DTD1: variants seen among roughly 807,000 people sequenced by gnomAD.
The protein encoded by DTD1 is D-tyrosyl-tRNA deacylase 1 homolog.
Under a neutral mutation model 25.6 loss-of-function variants are expected in DTD1, and 13 were observed. The observed-to-expected ratio is 0.51, with a 90% CI of 0.33 to 0.81. The LOEUF is 0.81. DTD1 is among the 30% of genes least tolerant of loss of function. The pLI, the probability that DTD1 is intolerant of heterozygous loss-of-function variation, is 0.02. For synonymous variants in DTD1, 110 were observed against 103.6 expected (o/e 1.06, Z -0.37); for missense variants, 193 against 266.4 (o/e 0.72, Z 1.92).
chr20:18,719,178 G>T (rs1302523341), intron 4 of DTD1, among the ~76,000 whole-genome samples: 3 of 152,132 alleles, frequency 2.0e-5, no homozygotes, highest in Non-Finnish European at 1.5e-5. Flanking sequence ...TCTTAAAGTT[G>T]AATAATCTTG....
chr20:18,741,658 A>G (rs997175545), intron 4 of DTD1, among the ~76,000 whole-genome samples: 4 of 152,150 alleles, frequency 2.6e-5, no homozygotes, highest in Admixed American at 6.5e-5. Flanking sequence ...ATCCTACTGT[A>G]TATAGCCTTC....
At chr20:18,633,561 G>A (rs896853763) in intron 4 of DTD1, among the ~76,000 whole-genome samples, 4 of 152,176 alleles carry the variant, frequency 2.6e-5, no homozygotes, top group African/African-American at 7.2e-5. Context: ...TTTAGCAGTG[G>A]TGCTCACAGC....
At chr20:18,670,206 C>G (rs1048675225) in intron 4 of DTD1, among the ~76,000 whole-genome samples, 1 of 152,120 alleles carries the variant, frequency 6.6e-6, no homozygotes, top group Non-Finnish European at 1.5e-5. Flanking sequence ...CGTATAATCC[C>G]ACGCTTTGGG....
intron 4 of DTD1, among the ~76,000 whole-genome samples, chr20:18,644,288 T>C (rs2060842267): frequency 6.6e-6 from 1 of 152,174 alleles, no homozygotes; most frequent in Non-Finnish European, 1.5e-5. Flanking sequence ...CATGTTAATA[T>C]GGGCTCTACA....
chr20:18,701,634 T>C (rs1346993625), intron 4 of DTD1, among the ~76,000 whole-genome samples: 1 of 152,086 alleles, frequency 6.6e-6, no homozygotes, highest in Admixed American at 6.5e-5. Context: ...GGCCTTTCAG[T>C]GTCGGGGAGA....
chr20:18,623,659 G>A (rs1413938304), intron 3 of DTD1, among the ~76,000 whole-genome samples: 1 of 152,112 alleles, frequency 6.6e-6, no homozygotes, highest in Non-Finnish European at 1.5e-5. Context: ...CCACCCTGGC[G>A]CAGGCCGTCT....
chr20:18,667,328 G>A (rs995877634), intron 4 of DTD1, among the ~76,000 whole-genome samples: 1 of 152,208 alleles, frequency 6.6e-6, no homozygotes, highest in Admixed American at 6.5e-5. Context: ...GTTCCAGGAA[G>A]CAGCCAGGGA....
At chr20:18,717,205 TA>T (rs2061184466) in intron 4 of DTD1, among the ~76,000 whole-genome samples, 1 of 152,218 alleles carries the variant, frequency 6.6e-6, no homozygotes, top group African/African-American at 2.4e-5. Flanking sequence ...TCACGGGAGA[TA>T]ATTAGCATCA....
At chr20:18,616,456 G>A (rs2060709310) in intron 3 of DTD1, among the ~76,000 whole-genome samples, 1 of 151,992 alleles carries the variant, frequency 6.6e-6, no homozygotes, top group Non-Finnish European at 1.5e-5. Context: ...GATCTTGCCA[G>A]TTCTCCCTTC....
At position 18,601,229 on chromosome 20, in the gene DTD1, G is replaced by A. The variant is rs117832579; in HGVS notation, c.370+4988G>A. ...AAGATGTTCTCCCCGGCCAGGCGTC[G>A]TGCTTCACGCCTGTAATCCCAGCGC... On this transcript the variant is annotated intron_variant, in intron 3 of 5. Coordinates refer to ENST00000377452, the MANE Select transcript of DTD1 (RefSeq NM_080820.6). Among the ~76,000 whole-genome samples the A allele has an allele frequency of 5.5e-3, 831 of 152,164 alleles. 2 individuals are homozygous for A. The highest frequency in any genetic ancestry group is 8.7e-3 in the Non-Finnish European group (592 of 68,012).
At chr20:18,695,330 T>C (rs1201540610) in intron 4 of DTD1, among the ~76,000 whole-genome samples, 1 of 149,930 alleles carries the variant, frequency 6.7e-6, no homozygotes. Flanking sequence ...TATTGGTTGG[T>C]AAATAAAACC....
chr20:18,627,117 C>T (rs2060762739), intron 3 of DTD1, among the ~76,000 whole-genome samples: 1 of 152,190 alleles, frequency 6.6e-6, no homozygotes. Context: ...CTAGATTAAT[C>T]TTGCTTATAA....
At chr20:18,724,018 C>G (rs780101142) in intron 4 of DTD1, among the ~76,000 whole-genome samples, 9 of 152,178 alleles carry the variant, frequency 5.9e-5, no homozygotes, top group Non-Finnish European at 1.2e-4. Context: ...TGCGTGGAGA[C>G]ACACAGCAAT....
intron 4 of DTD1, among the ~76,000 whole-genome samples, chr20:18,719,289 C>T (rs2061193855): frequency 6.6e-6 from 1 of 150,674 alleles, no homozygotes; most frequent in Non-Finnish European, 1.5e-5. Flanking sequence ...CTTGATTATT[C>T]ATGTATTTCT....
chr20:18,692,150 C>G (rs1026335033), intron 4 of DTD1: 1 of 152,142 alleles, frequency 6.6e-6, no homozygotes, highest in East Asian at 1.9e-4. Context: ...GTGTTCTCCT[C>G]CATAGTTTAT....
chr20:18,699,657 T>G (rs1461853040), intron 4 of DTD1, among the ~76,000 whole-genome samples: 1 of 152,016 alleles, frequency 6.6e-6, no homozygotes, highest in East Asian at 1.9e-4. Flanking sequence ...GGGAGAGACT[T>G]TCTAGAAGGG....
chr20:18,708,200 T>A (rs149833154), intron 4 of DTD1, among the ~76,000 whole-genome samples: 1 of 48,048 alleles, frequency 2.1e-5, no homozygotes, highest in Non-Finnish European at 3.7e-5. Context: ...ATATATTATA[T>A]ATATATTTTA....
chr20:18,634,289 G>T (rs982406882), intron 4 of DTD1, among the ~76,000 whole-genome samples: 1 of 152,132 alleles, frequency 6.6e-6, no homozygotes, highest in African/African-American at 2.4e-5. Flanking sequence ...ACATGGATTG[G>T]GGGGCAGATG....
chr20:18,636,891 C>A (rs1347887211), intron 4 of DTD1, among the ~76,000 whole-genome samples: 1 of 152,212 alleles, frequency 6.6e-6, no homozygotes, highest in East Asian at 1.9e-4. Flanking sequence ...CTGAGGACCA[C>A]TGGCATCAAG....
Sources: allele counts gnomAD v4.1 joint callset (sites outside exome capture counted in the v4.1 genomes callset), GRCh38; gene constraint gnomAD v4.1.1; transcripts MANE v1.5; gene names NCBI Gene and HGNC (gene_info 2026-07-23, HGNC 2026-07-21).